Variants in KRT79 observed in about 807,000 individuals in gnomAD.
The protein encoded by KRT79 is keratin, type II cytoskeletal 79.
KRT79 carries 51 observed loss-of-function variants against 49.0 expected under a neutral mutation model. The observed-to-expected ratio is 1.04, with a 90% CI of 0.83 to 1.31. KRT79 has a LOEUF of 1.31. KRT79 is among the 40% of genes most tolerant of loss of function. The pLI, the probability that KRT79 is intolerant of heterozygous loss-of-function variation, is 0.00. For synonymous variants in KRT79, 312 were observed against 286.6 expected (o/e 1.09, Z -0.90); for missense variants, 728 against 688.0 (o/e 1.06, Z -0.65).
chr12:52,831,761 G>A (rs1940259817), intron 1 of KRT79, 135 bp from the exon 2 acceptor site: 4 of 674,278 alleles, frequency 5.9e-6, no homozygotes, highest in Non-Finnish European at 7.7e-6. Context: ...ACTTTGCTGT[G>A]GGGAGGCACT....
At chr12:52,822,881 A>AT (rs1940114743) in intron 7 of KRT79, 135 bp downstream of exon 7, 2 of 815,002 alleles carry the variant, frequency 2.5e-6, no homozygotes, top group Non-Finnish European at 3.8e-6. Context: ...GCACAAGCAG[A>AT]TTTTCCCCCC....
chr12:52,831,368 TCACTCCCACATGGCCCCGCCTGGCC>T lies in KRT79; in HGVS notation c.698+13_698+37del. Reference sequence around the variant, plus strand: ...TTGGCAGGTTTCCCACTGCCCCTCCTCACTCCCACATGGCCCCGCCTGGCCTGCTCTCCTCACTTGTTCTTGAAGT... The same window carrying T: ...TTGGCAGGTTTCCCACTGCCCCTCCTTGCTCTCCTCACTTGTTCTTGAAGT... On this transcript the variant is annotated intron_variant, in intron 2 of 8. Coordinates refer to ENST00000330553, the MANE Select transcript of KRT79 (RefSeq NM_175834.3). The T allele has an allele frequency of 1.3e-6, 2 of 1,593,100 alleles. No homozygotes were observed. Among genetic ancestry groups the T allele is most frequent in the Non-Finnish European group, 1.7e-6 (2 of 1,161,552 alleles).
Position 52,821,785 on chromosome 12 carries a change from G to T in KRT79, c.*87C>A. The T allele has an allele frequency of 8.1e-7, 1 of 1,232,756 alleles. No homozygotes were observed. The highest frequency in any genetic ancestry group is 1.2e-6 in the Non-Finnish European group (1 of 859,878). The allele number at this position is 1,232,756 out of a possible 1,614,324, so 76.4% of individuals were successfully genotyped here. ...GGTCTGAGGTCCCCTGGCTGTTCCTGCTCCTGAGAAGTGACTGGAAAGGAC... is the reference window on the plus strand; with the variant it reads ...GGTCTGAGGTCCCCTGGCTGTTCCTTCTCCTGAGAAGTGACTGGAAAGGAC... On this transcript the variant is annotated 3_prime_UTR_variant, in exon 9 of 9. Coordinates refer to ENST00000330553, the MANE Select transcript of KRT79 (RefSeq NM_175834.3).
chr12:52,823,454 T>C (rs1940129618), intron 6 of KRT79, among the ~76,000 whole-genome samples: 1 of 152,234 alleles, frequency 6.6e-6, no homozygotes, highest in East Asian at 1.9e-4. Flanking sequence ...CAACCCCTCC[T>C]GCTGCAGATC....
intron 3 of KRT79, 53 bp from the exon 4 acceptor site, chr12:52,830,171 C>T: frequency 5.0e-6 from 8 of 1,612,368 alleles, no homozygotes; most frequent in Non-Finnish European, 5.9e-6. Flanking sequence ...GTCCCCTCTC[C>T]CCGAATCAGC....
chr12:52,822,278 G>T, intron 8 of KRT79, 67 bp downstream of exon 8: 1 of 1,512,518 alleles, frequency 6.6e-7, no homozygotes, highest in Non-Finnish European at 9.1e-7. Flanking sequence ...GGTACAGGTT[G>T]CATAAACTGA....
At position 52,831,498 on chromosome 12, in the gene KRT79, C is replaced by T. The variant is rs139706495; in HGVS notation, c.606G>A (p.Met202Ile). The change falls in exon 2 of 9, where the codon ATG (methionine) becomes ATA (isoleucine). Residue 202 changes from methionine to isoleucine, a missense_variant. Coordinates refer to ENST00000330553, the MANE Select transcript of KRT79 (RefSeq NM_175834.3). The part of the protein sequence containing the change: ...EPLFEAYLGS[M>I]RSTLDRLQSE... ...TCTGAAGTCTGTCCAGCGTGCTCCG[C>T]ATGCTACCCAGGTAGGCCTCAAAGA... 6.8e-4 allele frequency: 1,098 copies of T among 1,614,144 alleles called. 1 individual carries two copies. Among genetic ancestry groups the T allele is most frequent in the Non-Finnish European group, 9.0e-4 (1,058 of 1,180,056 alleles).
chr12:52,831,197 C>T (rs1403630083), intron 2 of KRT79, among the ~76,000 whole-genome samples: 1 of 152,166 alleles, frequency 6.6e-6, no homozygotes, highest in Non-Finnish European at 1.5e-5. Context: ...ATACTATTCC[C>T]CCTACTTTAA....
intron 1 of KRT79, among the ~76,000 whole-genome samples, chr12:52,831,840 C>T (rs1428910726): frequency 6.6e-6 from 1 of 152,202 alleles, no homozygotes; most frequent in Non-Finnish European, 1.5e-5. Context: ...AGTTAATAAG[C>T]ACAAAAGCCC....
In KRT79 at chr12:52,831,589, G is replaced by A. The variant is rs1217679622; in HGVS notation, c.515C>T (p.Thr172Ile). Reference protein sequence around the residue: ...FLEQQNKVLETKWALLQEQGQ... With the variant: ...FLEQQNKVLEIKWALLQEQGQ... ...CTGCTCCTGCAGCAGTGCCCACTTG[G>A]TCTCCAGCACCTTATTCTGTTGCTC... The change falls in exon 2 of 9, where the codon ACC (threonine) becomes ATC (isoleucine). Residue 172 changes from threonine (T) to isoleucine (I), a missense_variant. Thr to Ile is a moderately conservative substitution (Grantham distance 89, BLOSUM62 -1). Transcript: ENST00000330553. 5 of 1,614,096 alleles carry A rather than the reference G, an allele frequency of 3.1e-6. No homozygotes were observed. In the African/African-American group the frequency reaches 6.7e-5, roughly 22 times the overall value.
chr12:52,824,028 G>T lies in KRT79; in HGVS notation c.1021-16C>A. ...GCTCCTCATACTGGGGACCAAAGAAGTGGCAGTGCGCTTTCAAATGGCCCC... is the reference window on the plus strand; with the variant it reads ...GCTCCTCATACTGGGGACCAAAGAATTGGCAGTGCGCTTTCAAATGGCCCC... On this transcript the variant is annotated splice_polypyrimidine_tract_variant and intron_variant, in intron 5 of 8. Coordinates refer to ENST00000330553, the MANE Select transcript of KRT79 (RefSeq NM_175834.3). 1.2e-6 allele frequency: 2 copies of T among 1,614,058 alleles called. No homozygotes were observed. The highest frequency in any genetic ancestry group is 1.3e-5 in the African/African-American group (1 of 75,052).
intron 4 of KRT79, among the ~76,000 whole-genome samples, chr12:52,826,485 C>T (rs1281421775): frequency 2.1e-5 from 3 of 141,120 alleles, no homozygotes; most frequent in Non-Finnish European, 4.5e-5. Context: ...TGCCCTCCAG[C>T]ATGAGTGACA....
At chr12:52,826,616 C>T (rs61929775) in intron 4 of KRT79, among the ~76,000 whole-genome samples, 1 of 151,738 alleles carries the variant, frequency 6.6e-6, no homozygotes, top group Admixed American at 6.6e-5. Context: ...TCCTTAGACA[C>T]CAGGGACTCT....
chr12:52,831,272 C>A (rs1196782885), intron 2 of KRT79, 134 bp downstream of exon 2: 1 of 764,944 alleles, frequency 1.3e-6, no homozygotes, highest in African/African-American at 1.7e-5. Flanking sequence ...TGGACCTGAG[C>A]ACCTGAGGGA....
chr12:52,833,051 C>T (rs7964560), intron 1 of KRT79, among the ~76,000 whole-genome samples: 4,201 of 152,242 alleles, frequency 0.028, 190 homozygotes, highest in African/African-American at 0.096. Context: ...ACAATGCCAG[C>T]GAAACAGACC....
intron 4 of KRT79, among the ~76,000 whole-genome samples, chr12:52,827,497 A>G (rs1940192925): frequency 6.6e-6 from 1 of 152,240 alleles, no homozygotes; most frequent in African/African-American, 2.4e-5. Context: ...GCCCCAGACC[A>G]TGAATGACTA....
intron 7 of KRT79, 44 bp downstream of exon 7, chr12:52,822,972 C>A: frequency 6.3e-7 from 1 of 1,588,918 alleles, no homozygotes; most frequent in South Asian, 1.1e-5. Flanking sequence ...TCCCCCAGGG[C>A]AGGCCCGACC....
At position 52,821,611 on chromosome 12, in the gene KRT79, G is replaced by GTCGCCATATCA; in HGVS notation, c.*260_*261insTGATATGGCGA. 1.9e-6 allele frequency: 1 copy of GTCGCCATATCA among 519,446 alleles called. No homozygotes were observed. The allele number at this position is 519,446 out of a possible 1,614,324, so 32.2% of individuals were successfully genotyped here. A position where few individuals can be genotyped will look rare whatever the true frequency, so the allele number is the denominator to read the frequency against. On this transcript the variant is annotated 3_prime_UTR_variant, in exon 9 of 9. Coordinates refer to ENST00000330553, the MANE Select transcript of KRT79 (RefSeq NM_175834.3). ...TGAGAAATTCAGCCTCCTCTCGGTG[G>GTCGCCATATCA]TCAAAAGGTCACCCCCAAGTCACCC...
Position 52,833,834 on chromosome 12 carries a change from G to C in KRT79, c.427C>G (p.Arg143Gly). 2 of 1,613,746 alleles carry C rather than the reference G, an allele frequency of 1.2e-6. No homozygotes were observed. Among genetic ancestry groups the C allele is most frequent in the African/African-American group, 1.3e-5 (1 of 74,892 alleles). Residue 143 changes from arginine to glycine, a missense_variant, in exon 1 of 9, where the codon CGG becomes GGG. Physicochemically the swap from Arg to Gly is moderately radical, Grantham distance 125. Transcript: ENST00000330553. The stretch of plus-strand genomic sequence containing the variant: ...TTGTTGAGGGTCTTGATCTGCTCCC[G>C]CTCCTGAGTGCGCACTCGCTGGATC... ...PEIQRVRTQE[R>G]EQIKTLNNKF...
Sources: allele counts gnomAD v4.1 joint callset (sites outside exome capture counted in the v4.1 genomes callset), GRCh38; gene constraint gnomAD v4.1.1; transcripts MANE v1.5; gene names NCBI Gene and HGNC (gene_info 2026-07-23, HGNC 2026-07-21).